Variants in MARCHF1 observed in about 807,000 individuals in gnomAD.
MARCHF1 encodes membrane associated ring-CH-type finger 1, also known as E3 ubiquitin-protein ligase MARCHF1.
In MARCHF1, 40 loss-of-function variants were observed where a neutral mutation model predicts 54.2. That is an observed-to-expected ratio of 0.74 (90% CI 0.57 to 0.96). The LOEUF is 0.96. Ranked by LOEUF, MARCHF1 falls within the 40% of genes least tolerant of loss-of-function variation. MARCHF1 has a pLI of 0.00. For missense variants in MARCHF1, 586 were observed against 656.5 expected, an observed-to-expected ratio of 0.89 and a Z score of 1.17; for synonymous variants, 236 against 236.3, an observed-to-expected ratio of 1.00 and a Z score of 0.01.
intron 4 of MARCHF1, among the ~76,000 whole-genome samples, chr4:163,807,122 A>G (rs1579302021): frequency 6.6e-6 from 1 of 152,238 alleles, no homozygotes; most frequent in South Asian, 2.1e-4. Flanking sequence ...AAGTTTTCAC[A>G]AAGGGGATAC....
At chr4:163,915,474 A>G (rs973391710) in intron 3 of MARCHF1, among the ~76,000 whole-genome samples, 1 of 152,204 alleles carries the variant, frequency 6.6e-6, no homozygotes, top group Non-Finnish European at 1.5e-5. Flanking sequence ...ACTAAATGTA[A>G]TATGGTATCC....
intron 1 of MARCHF1, among the ~76,000 whole-genome samples, chr4:164,264,265 TTA>T (rs1733546583): frequency 6.6e-6 from 1 of 152,136 alleles, no homozygotes; most frequent in Non-Finnish European, 1.5e-5. Flanking sequence ...ATACTCTCAG[TTA>T]TCAGCGGGAG....
At chr4:163,812,633 T>G (rs1191352123) in intron 4 of MARCHF1, among the ~76,000 whole-genome samples, 2 of 152,012 alleles carry the variant, frequency 1.3e-5, no homozygotes, top group African/African-American at 4.8e-5. Context: ...TGGTGCACAC[T>G]TGTAATCCCA....
At chr4:164,206,302 T>G (rs1265989186) in intron 1 of MARCHF1, among the ~76,000 whole-genome samples, 1 of 151,986 alleles carries the variant, frequency 6.6e-6, no homozygotes, top group African/African-American at 2.4e-5. Context: ...CCGGGCACGA[T>G]AGCAGTTGCC....
intron 5 of MARCHF1, among the ~76,000 whole-genome samples, chr4:163,652,843 T>G (rs1427118496): frequency 6.6e-6 from 1 of 151,820 alleles, no homozygotes; most frequent in East Asian, 1.9e-4. Context: ...GAAGTCCAAA[T>G]GTGTTAATTC....
intron 3 of MARCHF1, among the ~76,000 whole-genome samples, chr4:163,921,042 A>T (rs1023730533): frequency 7.9e-5 from 12 of 152,332 alleles, no homozygotes; most frequent in African/African-American, 2.9e-4. Flanking sequence ...GCAGGTTCAA[A>T]TTGAATTATA....
intron 3 of MARCHF1, among the ~76,000 whole-genome samples, chr4:163,984,201 GGGATATCTCA>G (rs1752818066): frequency 1.3e-5 from 2 of 148,284 alleles, no homozygotes; most frequent in Admixed American, 6.6e-5. Flanking sequence ...GATCTTAAAA[GGGATATCTCA>G]GGAAGAAAAA....
At chr4:164,067,367 A>G (rs1754752875) in intron 2 of MARCHF1, among the ~76,000 whole-genome samples, 1 of 152,204 alleles carries the variant, frequency 6.6e-6, no homozygotes, top group Admixed American at 6.5e-5. Flanking sequence ...ACAGCATGGT[A>G]CTGCTACAGA....
At chr4:163,726,534 A>G (rs530921118) in intron 4 of MARCHF1, among the ~76,000 whole-genome samples, 61 of 152,286 alleles carry the variant, frequency 4.0e-4, no homozygotes, top group African/African-American at 1.3e-3. Flanking sequence ...TTGTTCTTAA[A>G]GCTTTGGCAG....
intron 1 of MARCHF1, among the ~76,000 whole-genome samples, chr4:164,352,423 C>G (rs1578889564): frequency 6.9e-6 from 1 of 144,418 alleles, no homozygotes. Flanking sequence ...TCGACAGAAA[C>G]CCTACAAGCC....
chr4:164,228,993 G>A (rs1168486408), intron 1 of MARCHF1, among the ~76,000 whole-genome samples: 2 of 152,168 alleles, frequency 1.3e-5, no homozygotes, highest in Admixed American at 6.5e-5. Flanking sequence ...TACATGCTAA[G>A]GCAGGGGCGT....
intron 7 of MARCHF1, 142 bp from the exon 8 acceptor site, chr4:163,586,071 T>C (rs1740402589): frequency 3.1e-6 from 2 of 640,216 alleles, no homozygotes; most frequent in Non-Finnish European, 5.1e-6. Flanking sequence ...CCAACTTTGA[T>C]GCTAGAACCA....
chr4:164,131,236 T>TG (rs1560918917), intron 1 of MARCHF1, among the ~76,000 whole-genome samples: 1 of 152,056 alleles, frequency 6.6e-6, no homozygotes, highest in Non-Finnish European at 1.5e-5. Flanking sequence ...AGAATGCCAC[T>TG]GGGGGTTGCC....
At chr4:164,008,509 C>T (rs1753344726) in intron 2 of MARCHF1, among the ~76,000 whole-genome samples, 2 of 152,056 alleles carry the variant, frequency 1.3e-5, no homozygotes, top group Admixed American at 6.5e-5. Flanking sequence ...CATAACATTT[C>T]ATCCAACTGC....
At chr4:163,955,473 G>A (rs1399120962) in intron 3 of MARCHF1, among the ~76,000 whole-genome samples, 1 of 151,640 alleles carries the variant, frequency 6.6e-6, no homozygotes, top group Non-Finnish European at 1.5e-5. Flanking sequence ...ACACTCCCTG[G>A]CCATTGTATT....
chr4:163,899,341 GTTGT>G (rs973229494), intron 3 of MARCHF1, among the ~76,000 whole-genome samples: 1 of 151,970 alleles, frequency 6.6e-6, no homozygotes, highest in African/African-American at 2.4e-5. Flanking sequence ...TTAATGGTTG[GTTGT>G]TCATTTTTAC....
At position 163,545,771 on chromosome 4, in the gene MARCHF1, C is replaced by A. The variant is rs766214272; in HGVS notation, c.1192-28G>T. On this transcript the variant is annotated intron_variant, in intron 8 of 9. Coordinates refer to ENST00000514618, the MANE Select transcript of MARCHF1 (RefSeq NM_001394959.1). ...GCAATCAGAAATGAAGGACACAAAA[C>A]TGAATTGCAAACTAGGAAATTTTGC... is the stretch of plus-strand genomic sequence containing the variant. 8 of 1,606,542 alleles carry A rather than the reference C, an allele frequency of 5.0e-6. No homozygotes were observed. In the South Asian group the frequency reaches 7.8e-5, roughly 16 times the overall value.
intron 4 of MARCHF1, among the ~76,000 whole-genome samples, chr4:163,744,686 T>C (rs2110748349): frequency 6.6e-6 from 1 of 152,344 alleles, no homozygotes; most frequent in Middle Eastern, 3.4e-3. Flanking sequence ...AGTCAGATTT[T>C]ACAAGAAAAT....
intron 3 of MARCHF1, among the ~76,000 whole-genome samples, chr4:163,945,514 G>A (rs1752006815): frequency 6.6e-6 from 1 of 152,082 alleles, no homozygotes; most frequent in Non-Finnish European, 1.5e-5. Flanking sequence ...AGTTAGTAAA[G>A]AAAAACAGCC....
Sources: allele counts gnomAD v4.1 joint callset (sites outside exome capture counted in the v4.1 genomes callset), GRCh38; gene constraint gnomAD v4.1.1; transcripts MANE v1.5; gene names NCBI Gene and HGNC (gene_info 2026-07-23, HGNC 2026-07-21).